Variants in ZNF423 observed in about 807,000 individuals in gnomAD.
ZNF423 encodes Ebf-associated zinc finger protein.
ZNF423 carries 12 observed loss-of-function variants against 95.8 expected under a neutral mutation model. The observed-to-expected ratio is 0.13, with a 90% CI of 0.08 to 0.20. The LOEUF (loss-of-function observed/expected upper bound fraction) is 0.20. ZNF423 is among the 10% of genes least tolerant of loss of function. The pLI, the probability that ZNF423 is intolerant of heterozygous loss-of-function variation, is 1.00. For missense variants in ZNF423, 1,316 were observed against 1,737.1 expected (o/e 0.76, Z 4.31); for synonymous variants, 749 against 711.9 (o/e 1.05, Z -0.83).
chr16:49,840,231 T>G (rs977137356), intron 1 of ZNF423, among the ~76,000 whole-genome samples: 2 of 152,206 alleles, frequency 1.3e-5, no homozygotes, highest in African/African-American at 2.4e-5. Context: ...GCTGGCATTT[T>G]AAGGGCTCCG....
intron 5 of ZNF423, among the ~76,000 whole-genome samples, chr16:49,604,509 G>A (rs1407395728): frequency 2.0e-5 from 3 of 152,092 alleles, no homozygotes; most frequent in South Asian, 2.1e-4. Flanking sequence ...TAGTGGCCTC[G>A]TTTCTAGTCT....
At chr16:49,646,505 C>T (rs540815754) in intron 3 of ZNF423, among the ~76,000 whole-genome samples, 1 of 152,092 alleles carries the variant, frequency 6.6e-6, no homozygotes, top group East Asian at 1.9e-4. Flanking sequence ...GATGGAGAAA[C>T]TGAGGCAACA....
intron 3 of ZNF423, among the ~76,000 whole-genome samples, chr16:49,717,150 TCCTGGTCTGGC>T (rs2143212766): frequency 6.6e-6 from 1 of 152,226 alleles, no homozygotes; most frequent in Non-Finnish European, 1.5e-5. Context: ...CTGGAATTGG[TCCTGGTCTGGC>T]CCTTGGAGTA....
intron 5 of ZNF423, among the ~76,000 whole-genome samples, chr16:49,551,506 G>A (rs1239194365): frequency 6.6e-6 from 1 of 152,166 alleles, no homozygotes; most frequent in Non-Finnish European, 1.5e-5. Flanking sequence ...ATCCCTCAGT[G>A]AGAACCTATT....
intron 3 of ZNF423, among the ~76,000 whole-genome samples, chr16:49,672,918 C>T (rs552887191): frequency 1.4e-4 from 22 of 152,298 alleles, no homozygotes; most frequent in Non-Finnish European, 2.2e-4. Context: ...CAGCCTGCCC[C>T]ACCACGCGGT....
chr16:49,778,634 C>T (rs2034160855), intron 2 of ZNF423, among the ~76,000 whole-genome samples: 1 of 150,804 alleles, frequency 6.6e-6, no homozygotes, highest in African/African-American at 2.4e-5. Context: ...CACCCCAAAT[C>T]TGCAGGAAGG....
intron 7 of ZNF423, among the ~76,000 whole-genome samples, chr16:49,501,380 T>G (rs151335417): frequency 7.6e-4 from 116 of 152,330 alleles, no homozygotes; most frequent in African/African-American, 2.7e-3. Context: ...AATTTAGATT[T>G]GTTTAAAATA....
intron 2 of ZNF423, among the ~76,000 whole-genome samples, chr16:49,741,107 G>T (rs2033405410): frequency 6.6e-6 from 1 of 152,072 alleles, no homozygotes; most frequent in African/African-American, 2.4e-5. Flanking sequence ...GAGTGTACAA[G>T]CGAATGGGGT....
chr16:49,639,062 G>T (rs367740098), intron 3 of ZNF423, among the ~76,000 whole-genome samples, 188 bp from the exon 4 acceptor site: 1 of 152,208 alleles, frequency 6.6e-6, no homozygotes, highest in Non-Finnish European at 1.5e-5. Context: ...CAGAGGGCAC[G>T]CCAGAGGGGC....
At chr16:49,732,768 G>A (rs571890477) in intron 2 of ZNF423, among the ~76,000 whole-genome samples, 1 of 152,218 alleles carries the variant, frequency 6.6e-6, no homozygotes, top group Non-Finnish European at 1.5e-5. Flanking sequence ...TATTTCTCCT[G>A]TCTGCACAGA....
At chr16:49,811,647 G>C (rs948348069) in intron 1 of ZNF423, among the ~76,000 whole-genome samples, 3 of 152,178 alleles carry the variant, frequency 2.0e-5, no homozygotes, top group Non-Finnish European at 4.4e-5. Flanking sequence ...TGAAAGAAAA[G>C]GGAGCCATTT....
chr16:49,789,595 T>C (rs2034378291), intron 1 of ZNF423, 49 bp from the exon 2 acceptor site: 1 of 1,583,156 alleles, frequency 6.3e-7, no homozygotes, highest in Non-Finnish European at 8.6e-7. Flanking sequence ...GCTGTACAAA[T>C]AGATCAGGTA....
intron 3 of ZNF423, among the ~76,000 whole-genome samples, chr16:49,724,836 G>A (rs893516207): frequency 1.3e-5 from 2 of 152,206 alleles, no homozygotes; most frequent in Non-Finnish European, 2.9e-5. Flanking sequence ...TCCTCAAGAA[G>A]GGATAGCGGA....
chr16:49,822,389 G>A (rs916073335), intron 1 of ZNF423, among the ~76,000 whole-genome samples: 3 of 152,158 alleles, frequency 2.0e-5, no homozygotes, highest in Non-Finnish European at 4.4e-5. Context: ...GGCCAAGTTG[G>A]TCTCGAACTC....
chr16:49,858,722 C>CCG (rs2035398836), upstream of ZNF423, among the ~76,000 whole-genome samples: 1 of 141,630 alleles, frequency 7.1e-6, no homozygotes, highest in Middle Eastern at 3.4e-3. This position sits in a 1 kb window ranked among gnomAD's most constrained non-coding sequence, Gnocchi z 4.3. Context: ...TAGGAGCCCC[C>CCG]CCCCCCACGC....
chr16:49,569,036 G>C (rs575246737), intron 5 of ZNF423, among the ~76,000 whole-genome samples: 1 of 151,912 alleles, frequency 6.6e-6, no homozygotes, highest in African/African-American at 2.4e-5. Context: ...ACATCCCTCC[G>C]AGGAAAACCC....
At chr16:49,640,068 C>T (rs1047829514) in intron 3 of ZNF423, among the ~76,000 whole-genome samples, 4 of 152,138 alleles carry the variant, frequency 2.6e-5, no homozygotes, top group Non-Finnish European at 4.4e-5. Flanking sequence ...AGCTCAGATT[C>T]GGCTCCGCTG....
At chr16:49,531,111 G>A (rs529523983) in intron 5 of ZNF423, among the ~76,000 whole-genome samples, 1 of 152,306 alleles carries the variant, frequency 6.6e-6, no homozygotes, top group African/African-American at 2.4e-5. Flanking sequence ...GCATGTGACA[G>A]CGTGGGACAG....
chr16:49,616,353 G>A (rs1971875694), intron 5 of ZNF423, among the ~76,000 whole-genome samples: 1 of 151,990 alleles, frequency 6.6e-6, no homozygotes, highest in Non-Finnish European at 1.5e-5. Flanking sequence ...GGGGAAGTGG[G>A]GATGGTTAGT....
Sources: allele counts gnomAD v4.1 joint callset (sites outside exome capture counted in the v4.1 genomes callset), GRCh38; gene constraint gnomAD v4.1.1; non-coding constraint Gnocchi (gnomAD v3.1); transcripts MANE v1.5; gene names NCBI Gene and HGNC (gene_info 2026-07-23, HGNC 2026-07-21).